Variants in SYN2 observed in about 807,000 individuals in gnomAD.
SYN2 encodes the protein synapsin II.
Under a neutral mutation model 50.9 loss-of-function variants are expected in SYN2, and 19 were observed. That is an observed-to-expected ratio of 0.37 (90% CI 0.26 to 0.55). The LOEUF is 0.55. SYN2 is among the 20% of genes least tolerant of loss of function. The pLI is 0.81. For synonymous variants in SYN2, 255 were observed against 224.9 expected (o/e 1.13, Z -1.20); for missense variants, 587 against 576.4 (o/e 1.02, Z -0.19).
At chr3:12,098,515 A>G (rs1302481581) in intron 1 of SYN2, among the ~76,000 whole-genome samples, 1 of 152,146 alleles carries the variant, frequency 6.6e-6, no homozygotes, top group Non-Finnish European at 1.5e-5. Flanking sequence ...TTACAAATTA[A>G]TATGTTAATT....
intron 4 of SYN2, among the ~76,000 whole-genome samples, chr3:12,149,835 A>G (rs1196868734): frequency 6.6e-6 from 1 of 152,226 alleles, no homozygotes; most frequent in African/African-American, 2.4e-5. Flanking sequence ...ACAGATGATC[A>G]CTTAAACTAC....
intron 1 of SYN2, among the ~76,000 whole-genome samples, chr3:12,121,849 C>T (rs1174188487): frequency 6.6e-6 from 1 of 152,168 alleles, no homozygotes; most frequent in Admixed American, 6.5e-5. Flanking sequence ...GGGCAGGCTA[C>T]AGGCTGGAAA....
At chr3:12,123,521 C>T (rs1314046556) in intron 1 of SYN2, among the ~76,000 whole-genome samples, 1 of 152,152 alleles carries the variant, frequency 6.6e-6, no homozygotes, top group African/African-American at 2.4e-5. Context: ...GTAGTCTTAG[C>T]CACTTGAGAG....
At chr3:12,108,831 A>T (rs1574945237) in intron 1 of SYN2, among the ~76,000 whole-genome samples, 1 of 144,266 alleles carries the variant, frequency 6.9e-6, no homozygotes. Flanking sequence ...ACATATAATC[A>T]GTTTAGGAGC....
At chr3:12,049,758 C>T (rs577618733) in intron 1 of SYN2, among the ~76,000 whole-genome samples, 228 of 152,144 alleles carry the variant, frequency 1.5e-3, no homozygotes, top group Non-Finnish European at 2.7e-3. Flanking sequence ...ATCCACTGGA[C>T]GATACATTAT....
At chr3:12,169,205 C>T (rs1225185563) in intron 9 of SYN2, among the ~76,000 whole-genome samples, 2 of 152,176 alleles carry the variant, frequency 1.3e-5, no homozygotes, top group Non-Finnish European at 2.9e-5. Flanking sequence ...GTGAGGCATA[C>T]ACTTTCTAAA....
intron 1 of SYN2, chr3:12,070,283 G>A: frequency 2.0e-6 from 1 of 488,410 alleles, no homozygotes; most frequent in Admixed American, 2.3e-5. Flanking sequence ...TACAAAGCTG[G>A]ATTTGCTGGG....
At position 12,004,436 on chromosome 3, in the gene SYN2, G is replaced by T; in HGVS notation, c.-116G>T. 1 of 296,426 alleles carries T rather than the reference G, an allele frequency of 3.4e-6. No individual in the cohort carries two copies. The highest frequency in any genetic ancestry group is 6.5e-6 in the Non-Finnish European group (1 of 153,220). The allele number at this position is 296,426 out of a possible 1,614,324, so 18.4% of individuals were successfully genotyped here. On this transcript the variant is annotated 5_prime_UTR_variant, in exon 1 of 13. Transcript: ENST00000621198. ...GTCTGGTGCCGGGGCCTGAGTCTCT[G>T]CTGGCTAAGCCGCCGCCTCAGCCGC...
At chr3:12,074,982 G>A (rs1695437548) in intron 1 of SYN2, among the ~76,000 whole-genome samples, 1 of 151,978 alleles carries the variant, frequency 6.6e-6, no homozygotes, top group Non-Finnish European at 1.5e-5. Flanking sequence ...GTTATCAAAG[G>A]AACTTGAAAA....
At chr3:12,167,399 G>A in intron 8 of SYN2, 91 bp downstream of exon 8, 1 of 1,341,678 alleles carries the variant, frequency 7.5e-7, no homozygotes, top group East Asian at 2.5e-5. Flanking sequence ...TGTCCAAAGG[G>A]AGTCATGGAG....
intron 1 of SYN2, among the ~76,000 whole-genome samples, chr3:12,122,978 A>C (rs1696592320): frequency 6.6e-6 from 1 of 152,222 alleles, no homozygotes; most frequent in African/African-American, 2.4e-5. Context: ...GCCAATGGCC[A>C]TATAAACAGT....
intron 1 of SYN2, among the ~76,000 whole-genome samples, chr3:12,075,570 TTTTC>T (rs1469980641): frequency 6.6e-6 from 1 of 152,090 alleles, no homozygotes; most frequent in Non-Finnish European, 1.5e-5. Flanking sequence ...TGCTACTCAG[TTTTC>T]TTTCTTCTTA....
At chr3:12,071,381 G>A in intron 1 of SYN2, 1 of 555,734 alleles carries the variant, frequency 1.8e-6, no homozygotes. Flanking sequence ...GTAAGCAGAT[G>A]TGTAGCATTT....
At chr3:12,071,333 C>A in intron 1 of SYN2, 2 of 570,290 alleles carry the variant, frequency 3.5e-6, no homozygotes, top group Non-Finnish European at 7.0e-6. Flanking sequence ...AACAAGTTGG[C>A]CCCTCCATCG....
chr3:12,178,250 C>CT (rs1698134228), intron 10 of SYN2, among the ~76,000 whole-genome samples: 1 of 152,192 alleles, frequency 6.6e-6, no homozygotes, highest in East Asian at 1.9e-4. Context: ...TCCCAATTTC[C>CT]TGTCTCAGAT....
chr3:12,095,682 C>T (rs1311863855), intron 1 of SYN2, among the ~76,000 whole-genome samples: 1 of 148,846 alleles, frequency 6.7e-6, no homozygotes, highest in African/African-American at 2.5e-5. Flanking sequence ...TTCTTTCCCC[C>T]TACTTGGTGG....
At chr3:12,184,549 T>C (rs779004838) in intron 11 of SYN2, 9 of 985,780 alleles carry the variant, frequency 9.1e-6, no homozygotes, top group Non-Finnish European at 1.1e-5. Flanking sequence ...AACCTTGAGG[T>C]TGACTCCTGC....
intron 5 of SYN2, chr3:12,153,425 G>A (rs992568801): frequency 1.4e-6 from 2 of 1,447,162 alleles, no homozygotes; most frequent in Non-Finnish European, 1.9e-6. Flanking sequence ...GCAGCAAGAG[G>A]TCAGGTGGTA....
chr3:12,026,964 TTTC>T (rs1227864965), intron 1 of SYN2, among the ~76,000 whole-genome samples: 1 of 152,168 alleles, frequency 6.6e-6, no homozygotes, highest in Non-Finnish European at 1.5e-5. Flanking sequence ...TTTACACTAA[TTTC>T]TTCTTCTTAA....
Sources: allele counts gnomAD v4.1 joint callset (sites outside exome capture counted in the v4.1 genomes callset), GRCh38; gene constraint gnomAD v4.1.1; transcripts MANE v1.5; gene names NCBI Gene and HGNC (gene_info 2026-07-23, HGNC 2026-07-21).